RBFOX3: variants seen among roughly 807,000 people sequenced by gnomAD.
The protein encoded by RBFOX3 is RNA binding fox-1 homolog 3, also known as RNA binding protein fox-1 homolog 3.
A neutral mutation model predicts 48.7 loss-of-function variants in RBFOX3; 17 were observed. The observed-to-expected ratio is 0.35, with a 90% CI of 0.24 to 0.52. The LOEUF (loss-of-function observed/expected upper bound fraction) is 0.52. Ranked by LOEUF, RBFOX3 falls within the 20% of genes least tolerant of loss-of-function variation. RBFOX3 has a pLI of 0.94. For synonymous variants in RBFOX3, 212 were observed against 209.5 expected (o/e 1.01, Z -0.10); for missense variants, 382 against 497.5 (o/e 0.77, Z 2.21).
chr17:79,306,660 G>C (rs1301136599), intron 3 of RBFOX3, among the ~76,000 whole-genome samples: 1 of 152,238 alleles, frequency 6.6e-6, no homozygotes, highest in East Asian at 1.9e-4. Context: ...GTGAGAGGGT[G>C]CAGGCAAGAA....
At chr17:79,383,628 C>A (rs1390049881) in intron 2 of RBFOX3, among the ~76,000 whole-genome samples, 1 of 152,168 alleles carries the variant, frequency 6.6e-6, no homozygotes, top group Admixed American at 6.5e-5. Flanking sequence ...CATGGGACAC[C>A]TGAGGGGTTC....
chr17:79,113,744 T>C (rs561498808), intron 5 of RBFOX3, among the ~76,000 whole-genome samples: 4 of 152,320 alleles, frequency 2.6e-5, no homozygotes, highest in Non-Finnish European at 5.9e-5. Context: ...CCAGCCTCTG[T>C]TTCTGACTTT....
chr17:79,132,084 G>C (rs1167350818), intron 4 of RBFOX3, among the ~76,000 whole-genome samples: 1 of 152,164 alleles, frequency 6.6e-6, no homozygotes, highest in African/African-American at 2.4e-5. Flanking sequence ...GATGGGGCTT[G>C]GTCGGCAGGT....
At chr17:79,517,402 G>A (rs2085396224) in intron 1 of RBFOX3, among the ~76,000 whole-genome samples, 1 of 141,222 alleles carries the variant, frequency 7.1e-6, no homozygotes. Context: ...CCAAGATCAT[G>A]CCACTGCACA....
chr17:79,334,616 C>T (rs1198821774), intron 2 of RBFOX3, among the ~76,000 whole-genome samples: 1 of 152,218 alleles, frequency 6.6e-6, no homozygotes, highest in Non-Finnish European at 1.5e-5. Flanking sequence ...TCAGGAGGCT[C>T]ATGGGCCAAC....
Position 79,305,792 on chromosome 17 carries a change from G to A in RBFOX3, c.-74+1932C>T, listed in dbSNP as rs113548163. Among the ~76,000 whole-genome samples, 1,502 of 152,328 alleles carry A rather than the reference G, an allele frequency of 9.9e-3. 12 individuals are homozygous for A. Among genetic ancestry groups the A allele is most frequent in the Non-Finnish European group, 0.015 (1,036 of 68,034 alleles). ...GAGTGAAACTTAAAAAGGACTTTCC[G>A]TTTGCTCAGGCTGAATTCCCTCTCC... On this transcript the variant is annotated intron_variant, in intron 3 of 14. Transcript: ENST00000693108.
chr17:79,151,234 G>A (rs887527368), intron 4 of RBFOX3, among the ~76,000 whole-genome samples: 2 of 151,722 alleles, frequency 1.3e-5, no homozygotes, highest in African/African-American at 4.8e-5. Flanking sequence ...GGGAACACAA[G>A]AGAAGAAAAA....
chr17:79,290,040 A>G (rs560750121), intron 3 of RBFOX3, among the ~76,000 whole-genome samples: 1 of 152,262 alleles, frequency 6.6e-6, no homozygotes, highest in Admixed American at 6.5e-5. Context: ...GAGAAGCAAG[A>G]TGCCCAGGGG....
Position 79,103,136 on chromosome 17 carries a change from C to G in RBFOX3, c.507+26G>C, listed in dbSNP as rs1469840217. 11 of 1,528,524 alleles carry G rather than the reference C, an allele frequency of 7.2e-6. No individual in the cohort carries two copies. The East Asian group carries it at 2.7e-4, about 37-fold the overall frequency. The allele number at this position is 1,528,524 out of a possible 1,614,324, so 94.7% of individuals were successfully genotyped here. ...GCAGGTGGGCGATCTTGGGGCATCCCTGCCGCAGCACACTTATCTGAGCAC... is the reference window on the plus strand; with the variant it reads ...GCAGGTGGGCGATCTTGGGGCATCCGTGCCGCAGCACACTTATCTGAGCAC... On this transcript the variant is annotated intron_variant, in intron 8 of 14. Coordinates refer to ENST00000693108, the MANE Select transcript of RBFOX3 (RefSeq NM_001350451.2). This position sits in a 1 kb window ranked among gnomAD's most constrained non-coding sequence, Gnocchi z 6.1.
rs1329792441 is a variant in RBFOX3, at chr17:79,198,713, C to T, written c.-34+37053G>A. On this transcript the variant is annotated intron_variant, in intron 4 of 14. Coordinates refer to ENST00000693108, the MANE Select transcript of RBFOX3 (RefSeq NM_001350451.2). The surrounding 1 kb of genome is among the most constrained non-coding windows in gnomAD (Gnocchi z 8.2). ...TGATCTAGGCTCGTTGCAACCTCCA[C>T]CTTCCGGGTTCAAGCGATTCTCCTG... Among the ~76,000 whole-genome samples, 1 of 152,118 alleles carries T rather than the reference C, an allele frequency of 6.6e-6. No individual in the cohort carries two copies. Among genetic ancestry groups the T allele is most frequent in the Non-Finnish European group, 1.5e-5 (1 of 68,034 alleles).
chr17:79,142,870 C>A (rs969426575), intron 4 of RBFOX3, among the ~76,000 whole-genome samples: 2 of 152,164 alleles, frequency 1.3e-5, no homozygotes, highest in Admixed American at 1.3e-4. Context: ...GAGAACCAGG[C>A]CCCTGGGAGT....
chr17:79,281,486 C>G (rs1043450724), intron 3 of RBFOX3, among the ~76,000 whole-genome samples: 1 of 151,636 alleles, frequency 6.6e-6, no homozygotes, highest in Non-Finnish European at 1.5e-5. Context: ...CTGGAAGGAG[C>G]CACGGGCTTG....
At chr17:79,620,599 GCACGCA>G in the RBFOX3 span, among the ~76,000 whole-genome samples, 117 of 100,818 alleles carry the variant, frequency 1.2e-3, no homozygotes, top group Middle Eastern at 0.01. Context: ...ACACACGCAC[GCACGCA>G]CACATGCACA....
intron 1 of RBFOX3, among the ~76,000 whole-genome samples, chr17:79,570,297 A>G (rs1430383127): frequency 6.6e-6 from 1 of 151,986 alleles, no homozygotes; most frequent in African/African-American, 2.4e-5. Context: ...GTAGAGAAGG[A>G]ATGGACAGAT....
intron 2 of RBFOX3, among the ~76,000 whole-genome samples, chr17:79,359,913 A>G (rs1568107962): frequency 6.6e-6 from 1 of 152,074 alleles, no homozygotes; most frequent in African/African-American, 2.4e-5. Context: ...ATTTGTAGAC[A>G]GGGGGTCTGG....
At chr17:79,559,671 G>GTGGT (rs2092061995) in intron 1 of RBFOX3, among the ~76,000 whole-genome samples, 1 of 80,416 alleles carries the variant, frequency 1.2e-5, no homozygotes, top group African/African-American at 3.5e-5. Flanking sequence ...GGGTGGGTGG[G>GTGGT]TGGATGGATG....
chr17:79,617,388 TCACAAGCATCCCTACCTCCACGTC>T, the RBFOX3 span, among the ~76,000 whole-genome samples: 343 of 152,074 alleles, frequency 2.3e-3, 2 homozygotes, highest in African/African-American at 8.0e-3. Flanking sequence ...CTTCCCTCGA[TCACAAGCATCCCTACCTCCACGTC>T]CACACCCACG....
intron 2 of RBFOX3, among the ~76,000 whole-genome samples, chr17:79,319,612 G>A (rs28472910): frequency 0.01 from 1,022 of 99,612 alleles, no homozygotes; most frequent in Middle Eastern, 0.013. Context: ...GGTCTTGTCC[G>A]GGCTGCTGGT....
chr17:79,166,890 C>G (rs146796174), intron 4 of RBFOX3, among the ~76,000 whole-genome samples: 2 of 152,164 alleles, frequency 1.3e-5, no homozygotes, highest in Non-Finnish European at 2.9e-5. Flanking sequence ...TGCACACCTG[C>G]CAAAGAGTGA....
Sources: gnomAD v4.1 joint callset for allele counts (sites outside exome capture counted in the v4.1 genomes callset) on GRCh38, gnomAD v4.1.1 for gene constraint, Gnocchi (gnomAD v3.1) non-coding constraint, MANE v1.5 for transcripts, NCBI Gene and HGNC (gene_info 2026-07-23, HGNC 2026-07-21) for gene names.